The following ELOVL6 variants were observed in gnomAD, a reference collection of about 807,000 sequenced individuals.
The protein encoded by ELOVL6 is ELOVL fatty acid elongase 6.
A neutral mutation model predicts 31.7 loss-of-function variants in ELOVL6; 8 were observed. The ratio of observed to expected loss-of-function variants is 0.25; its 90% CI spans 0.15 to 0.45. The LOEUF (loss-of-function observed/expected upper bound fraction) is 0.45, where lower values mean the gene tolerates loss of function less well. Ranked by LOEUF, ELOVL6 falls within the 20% of genes least tolerant of loss-of-function variation. The pLI, the probability that ELOVL6 is intolerant of heterozygous loss-of-function variation, is 1.00. For missense variants in ELOVL6, 126 were observed against 326.4 expected (o/e 0.39, Z 4.73); for synonymous variants, 101 against 117.7 (o/e 0.86, Z 0.92).
chr4:110,171,354 A>G (rs767276040), intron 1 of ELOVL6, among the ~76,000 whole-genome samples: 20 of 152,098 alleles, frequency 1.3e-4, no homozygotes, highest in Non-Finnish European at 2.8e-4. Context: ...GGTTGCAGTG[A>G]GCCAAGATCG....
At chr4:110,138,472 T>C (rs958367137) in intron 1 of ELOVL6, among the ~76,000 whole-genome samples, 1 of 152,074 alleles carries the variant, frequency 6.6e-6, no homozygotes, top group African/African-American at 2.4e-5. Flanking sequence ...CACACTACGA[T>C]GTGTTTTGAA....
chr4:110,066,495 C>T (rs1281921101), intron 2 of ELOVL6, among the ~76,000 whole-genome samples: 5 of 151,744 alleles, frequency 3.3e-5, no homozygotes, highest in South Asian at 2.1e-4. Flanking sequence ...AAAAATTAGC[C>T]GGGCGTGGTG....
At chr4:110,151,057 AT>A (rs1159479455) in intron 1 of ELOVL6, among the ~76,000 whole-genome samples, 10 of 151,920 alleles carry the variant, frequency 6.6e-5, no homozygotes, top group African/African-American at 2.4e-4. Context: ...AAAAAAAAAA[AT>A]TTAAAATATA....
intron 1 of ELOVL6, among the ~76,000 whole-genome samples, chr4:110,132,688 A>C (rs1339891822): frequency 6.6e-6 from 1 of 151,996 alleles, no homozygotes; most frequent in Non-Finnish European, 1.5e-5. Context: ...ATACAAAAAA[A>C]AATTAGCTGA....
chr4:110,117,871 G>A (rs1757213376), intron 1 of ELOVL6: 1 of 24,008 alleles, frequency 4.2e-5, no homozygotes, highest in Non-Finnish European at 7.3e-5. Flanking sequence ...AACAGAGTGA[G>A]ACTCTGTCTC....
At chr4:110,155,674 G>A (rs183621961) in intron 1 of ELOVL6, among the ~76,000 whole-genome samples, 1 of 152,014 alleles carries the variant, frequency 6.6e-6, no homozygotes, top group Non-Finnish European at 1.5e-5. Flanking sequence ...CAATATGCAT[G>A]ATACAATGGC....
At chr4:110,176,492 A>G (rs1361507705) in intron 1 of ELOVL6, among the ~76,000 whole-genome samples, 1 of 152,050 alleles carries the variant, frequency 6.6e-6, no homozygotes, top group African/African-American at 2.4e-5. Flanking sequence ...AGAAATTTCC[A>G]TTTGTGAAGA....
chr4:110,160,080 G>T (rs1285064333), intron 1 of ELOVL6, among the ~76,000 whole-genome samples: 2 of 151,466 alleles, frequency 1.3e-5, no homozygotes, highest in African/African-American at 4.9e-5. Context: ...AACACATGAG[G>T]GTTTGCTTAC....
intron 1 of ELOVL6, among the ~76,000 whole-genome samples, chr4:110,138,444 T>C (rs1264131669): frequency 6.6e-6 from 1 of 152,060 alleles, no homozygotes; most frequent in African/African-American, 2.4e-5. Flanking sequence ...TACACACTAA[T>C]CAACAAATTA....
At chr4:110,149,689 G>T (rs903639450) in intron 1 of ELOVL6, among the ~76,000 whole-genome samples, 3 of 152,196 alleles carry the variant, frequency 2.0e-5, no homozygotes, top group Non-Finnish European at 2.9e-5. Context: ...TGGATGCAAT[G>T]AAGGCCTGAC....
chr4:110,084,353 T>C (rs115094261), intron 2 of ELOVL6, among the ~76,000 whole-genome samples: 4,091 of 83,462 alleles, frequency 0.049, 496 homozygotes, highest in South Asian at 0.07. Context: ...TGATATATGA[T>C]ATATACCGCA....
intron 1 of ELOVL6, among the ~76,000 whole-genome samples, chr4:110,106,284 G>A (rs941706676): frequency 6.6e-6 from 1 of 152,184 alleles, no homozygotes; most frequent in Non-Finnish European, 1.5e-5. Context: ...AAACCAGAAG[G>A]CAGAGGTTGC....
intron 1 of ELOVL6, among the ~76,000 whole-genome samples, chr4:110,169,160 C>A (rs1758865337): frequency 6.6e-6 from 1 of 151,842 alleles, no homozygotes; most frequent in African/African-American, 2.4e-5. Flanking sequence ...CAGGGTCCAC[C>A]CACCTTGGCC....
chr4:110,059,801 C>T lies in ELOVL6; in HGVS notation c.222-47G>A, dbSNP rs780326352. The T allele has an allele frequency of 4.5e-6, 7 of 1,554,284 alleles. No individual in the cohort carries two copies. The Admixed American group carries it at 1.1e-4, about 24-fold the overall frequency. On this transcript the variant is annotated intron_variant, in intron 2 of 3. Transcript: ENST00000302274. ...GAAACAGCATTTAGGAAAATAGTTT[C>T]ACTTCTCACATCAACCATACTTAGA...
intron 1 of ELOVL6, chr4:110,117,925 T>C (rs1478878909): frequency 1.1e-4 from 3 of 27,046 alleles, no homozygotes; most frequent in Non-Finnish European, 1.9e-4. Flanking sequence ...TATATATATA[T>C]CTCCCCAGAG....
chr4:110,198,202 C>T (rs1560869392), intron 1 of ELOVL6, 45 bp downstream of exon 1: 2 of 1,205,010 alleles, frequency 1.7e-6, no homozygotes, highest in Non-Finnish European at 2.5e-6. Flanking sequence ...TCCGGGAAGA[C>T]GCGCAGGGCT....
intron 3 of ELOVL6, among the ~76,000 whole-genome samples, chr4:110,052,822 A>G (rs1335047065): frequency 6.6e-6 from 1 of 152,242 alleles, no homozygotes; most frequent in Non-Finnish European, 1.5e-5. Flanking sequence ...ATGCAGGTGA[A>G]TGCGTCTTTC....
At chr4:110,150,250 C>G (rs746459730) in intron 1 of ELOVL6, among the ~76,000 whole-genome samples, 16 of 152,096 alleles carry the variant, frequency 1.1e-4, no homozygotes, top group Non-Finnish European at 2.1e-4. Context: ...AAAATGCATT[C>G]AGTAAAACCC....
chr4:110,150,883 A>G (rs1434383554), intron 1 of ELOVL6, among the ~76,000 whole-genome samples: 1 of 152,116 alleles, frequency 6.6e-6, no homozygotes, highest in African/African-American at 2.4e-5. Context: ...TCTCTACTAA[A>G]AATACAAAAA....
Sources: allele counts gnomAD v4.1 joint callset (sites outside exome capture counted in the v4.1 genomes callset), GRCh38; gene constraint gnomAD v4.1.1; transcripts MANE v1.5; gene names NCBI Gene and HGNC (gene_info 2026-07-23, HGNC 2026-07-21).